AGBL4: variants seen among roughly 807,000 people sequenced by gnomAD.
AGBL4 encodes the protein AGBL carboxypeptidase 4, also known as cytosolic carboxypeptidase 6.
In AGBL4, 58 loss-of-function variants were observed where a neutral mutation model predicts 66.4. The ratio of observed to expected loss-of-function variants is 0.87; its 90% CI spans 0.71 to 1.09. The LOEUF is 1.09. Among genes scored for constraint, AGBL4 ranks in the 50% least tolerant of loss-of-function variants. The pLI is 0.00. For synonymous variants in AGBL4, 234 were observed against 222.9 expected (o/e 1.05, Z -0.44); for missense variants, 579 against 631.0 (o/e 0.92, Z 0.88).
At chr1:49,371,470 C>T (rs1370445341) in intron 3 of AGBL4, among the ~76,000 whole-genome samples, 1 of 152,100 alleles carries the variant, frequency 6.6e-6, no homozygotes, top group Non-Finnish European at 1.5e-5. Context: ...ATTAAAGCTG[C>T]ACTTGTCCCA....
chr1:49,002,254 G>T (rs1249920676), intron 5 of AGBL4, among the ~76,000 whole-genome samples: 5 of 152,172 alleles, frequency 3.3e-5, no homozygotes, highest in Non-Finnish European at 7.3e-5. Context: ...ATTTGATCTA[G>T]ATCTTGAATG....
chr1:48,840,875 T>C (rs1646781027), intron 6 of AGBL4, among the ~76,000 whole-genome samples: 2 of 152,186 alleles, frequency 1.3e-5, no homozygotes, highest in Admixed American at 1.3e-4. Context: ...CAGTGATGAA[T>C]GGGTTAACAA....
At chr1:49,470,701 C>A (rs1200793008) in intron 3 of AGBL4, among the ~76,000 whole-genome samples, 1 of 152,004 alleles carries the variant, frequency 6.6e-6, no homozygotes, top group Non-Finnish European at 1.5e-5. Flanking sequence ...AATAATCTGA[C>A]GACCTGGAAG....
At chr1:49,318,665 G>GTAAGATAGTGTAAGGTAAGT (rs1645081163) in intron 3 of AGBL4, among the ~76,000 whole-genome samples, 1 of 152,002 alleles carries the variant, frequency 6.6e-6, no homozygotes, top group African/African-American at 2.4e-5. Flanking sequence ...GTAAGGTAAG[G>GTAAGATAGTGTAAGGTAAGT]TAAAATAGTG....
intron 1 of AGBL4, among the ~76,000 whole-genome samples, chr1:49,888,337 T>A (rs1008778996): frequency 6.6e-6 from 1 of 152,194 alleles, no homozygotes; most frequent in Non-Finnish European, 1.5e-5. Context: ...CACTATGTAC[T>A]GATCAGACCA....
chr1:48,907,605 G>A (rs1049944264), intron 5 of AGBL4, among the ~76,000 whole-genome samples: 8 of 152,172 alleles, frequency 5.3e-5, no homozygotes, highest in African/African-American at 1.9e-4. Flanking sequence ...CCATAGCCTG[G>A]AGGTCCTCAC....
chr1:49,880,745 G>A (rs1268615133), intron 1 of AGBL4, among the ~76,000 whole-genome samples: 4 of 152,066 alleles, frequency 2.6e-5, no homozygotes, highest in South Asian at 2.1e-4. Flanking sequence ...AATGGCGGGC[G>A]CCCCTCCCCC....
chr1:49,558,409 C>A (rs11805149), intron 3 of AGBL4, among the ~76,000 whole-genome samples: 12,286 of 152,134 alleles, frequency 0.081, 717 homozygotes, highest in African/African-American at 0.17. Context: ...GTGGTGCGAT[C>A]TCAGCTCACT....
At chr1:50,014,536 CTTTTT>C (rs886696766) in intron 1 of AGBL4, among the ~76,000 whole-genome samples, 1 of 109,028 alleles carries the variant, frequency 9.2e-6, no homozygotes. Flanking sequence ...CAGAGGATTT[CTTTTT>C]TTTTTTTTTT....
intron 5 of AGBL4, among the ~76,000 whole-genome samples, chr1:48,892,225 C>G (rs982865909): frequency 1.3e-5 from 2 of 152,194 alleles, no homozygotes; most frequent in Non-Finnish European, 2.9e-5. Context: ...ACATGGCATT[C>G]TCTCTGACTG....
intron 3 of AGBL4, among the ~76,000 whole-genome samples, chr1:49,393,035 A>G (rs1644882767): frequency 6.6e-6 from 1 of 152,184 alleles, no homozygotes; most frequent in Admixed American, 6.5e-5. Flanking sequence ...GCATGTGAGC[A>G]TCAGTTCTCA....
chr1:49,251,869 T>C (rs1385497302), intron 3 of AGBL4, among the ~76,000 whole-genome samples: 1 of 152,082 alleles, frequency 6.6e-6, no homozygotes, highest in Non-Finnish European at 1.5e-5. Context: ...AAATCCACCT[T>C]ATACCACAAA....
intron 5 of AGBL4, among the ~76,000 whole-genome samples, chr1:48,926,163 C>A (rs538611295): frequency 1.3e-5 from 2 of 152,304 alleles, no homozygotes; most frequent in South Asian, 4.1e-4. Flanking sequence ...AAGAAGACAG[C>A]AACATCAAGA....
At chr1:48,609,693 G>C (rs1190259060) in intron 9 of AGBL4, among the ~76,000 whole-genome samples, 2 of 152,152 alleles carry the variant, frequency 1.3e-5, no homozygotes, top group African/African-American at 2.4e-5. Flanking sequence ...AAAGTGCTGG[G>C]ATTACAGACA....
chr1:49,942,678 C>A (rs1455127927), intron 1 of AGBL4, among the ~76,000 whole-genome samples: 5 of 152,090 alleles, frequency 3.3e-5, no homozygotes, highest in Admixed American at 6.6e-5. Flanking sequence ...ACACAAAAAT[C>A]AACTCAAAAT....
At chr1:48,567,822 C>T (rs781205805) in intron 11 of AGBL4, among the ~76,000 whole-genome samples, 13 of 152,036 alleles carry the variant, frequency 8.6e-5, no homozygotes, top group South Asian at 4.2e-4. Context: ...CATGACTCTC[C>T]GAGAAATTTT....
intron 4 of AGBL4, among the ~76,000 whole-genome samples, chr1:49,174,264 A>C (rs1239085502): frequency 6.6e-6 from 1 of 152,086 alleles, no homozygotes; most frequent in Non-Finnish European, 1.5e-5. Flanking sequence ...ATTTTTATAA[A>C]ATCTCTATAT....
chr1:49,637,293 C>CTTTTAT (rs1198041573), intron 3 of AGBL4, among the ~76,000 whole-genome samples: 1 of 151,904 alleles, frequency 6.6e-6, no homozygotes, highest in Admixed American at 6.6e-5. Flanking sequence ...TTCTTTTATT[C>CTTTTAT]TTTTATTTTT....
At chr1:49,477,525 C>A (rs974177740) in intron 3 of AGBL4, among the ~76,000 whole-genome samples, 1 of 152,180 alleles carries the variant, frequency 6.6e-6, no homozygotes, top group Admixed American at 6.5e-5. Flanking sequence ...CTTGGGGTGC[C>A]CCCTAATGTG....
Sources: allele counts gnomAD v4.1 joint callset (sites outside exome capture counted in the v4.1 genomes callset), GRCh38; gene constraint gnomAD v4.1.1; transcripts MANE v1.5; gene names NCBI Gene and HGNC (gene_info 2026-07-23, HGNC 2026-07-21).